The following SLC2A13 variants were observed in gnomAD, a reference collection of about 807,000 sequenced individuals.
SLC2A13 encodes proton myo-inositol cotransporter.
In SLC2A13, 32 loss-of-function variants were observed where a neutral mutation model predicts 64.4. The ratio of observed to expected loss-of-function variants is 0.50; its 90% CI spans 0.37 to 0.67. The LOEUF is 0.67. SLC2A13 is among the 30% of genes least tolerant of loss of function. The pLI, the probability that SLC2A13 is intolerant of heterozygous loss-of-function variation, is 0.00. For synonymous variants in SLC2A13, 338 were observed against 327.1 expected, an observed-to-expected ratio of 1.03 and a Z score of -0.36; for missense variants, 743 against 829.2, an observed-to-expected ratio of 0.90 and a Z score of 1.28.
chr12:40,084,949 A>C (rs2638276), intron 1 of SLC2A13, among the ~76,000 whole-genome samples: 152,122 of 152,336 alleles, frequency 1, 75,955 homozygotes, highest in Middle Eastern at 1. Flanking sequence ...CCCCCAACCT[A>C]CAAGGGGAGA....
intron 2 of SLC2A13, among the ~76,000 whole-genome samples, chr12:40,044,520 C>T (rs1948143294): frequency 6.6e-6 from 1 of 152,072 alleles, no homozygotes; most frequent in African/African-American, 2.4e-5. Context: ...AAATCTTTAA[C>T]AATATTTTCA....
At chr12:40,027,181 T>C (rs1179152991) in intron 3 of SLC2A13, among the ~76,000 whole-genome samples, 2 of 152,208 alleles carry the variant, frequency 1.3e-5, no homozygotes, top group African/African-American at 4.8e-5. Flanking sequence ...TTTAAGATAT[T>C]TTTTAAGGAA....
chr12:40,086,152 TAAGA>T (rs1258890594), intron 1 of SLC2A13, among the ~76,000 whole-genome samples: 1 of 152,094 alleles, frequency 6.6e-6, no homozygotes, highest in Non-Finnish European at 1.5e-5. Flanking sequence ...TGCTGCCTTC[TAAGA>T]AAGAGCAAAA....
intron 4 of SLC2A13, among the ~76,000 whole-genome samples, chr12:39,924,132 T>A (rs1462504039): frequency 6.6e-6 from 1 of 152,184 alleles, no homozygotes; most frequent in East Asian, 1.9e-4. Context: ...ATGTACACTC[T>A]TAAAATATGA....
intron 4 of SLC2A13, among the ~76,000 whole-genome samples, chr12:39,905,770 C>T (rs1945256970): frequency 6.8e-6 from 1 of 146,368 alleles, no homozygotes; most frequent in Non-Finnish European, 1.5e-5. Flanking sequence ...AAAAGTCTGC[C>T]ACAAATTGAA....
chr12:39,957,927 A>G (rs750974176), intron 3 of SLC2A13, among the ~76,000 whole-genome samples: 1 of 152,116 alleles, frequency 6.6e-6, no homozygotes, highest in Non-Finnish European at 1.5e-5. Context: ...AAAACAAAAC[A>G]AGCTATGCCA....
chr12:40,097,649 A>T (rs995351876), intron 1 of SLC2A13, among the ~76,000 whole-genome samples: 2 of 152,192 alleles, frequency 1.3e-5, no homozygotes, highest in Non-Finnish European at 2.9e-5. Flanking sequence ...ATCACTAATC[A>T]TAAGAGAAAT....
intron 3 of SLC2A13, among the ~76,000 whole-genome samples, chr12:39,957,955 T>C (rs1946345601): frequency 6.6e-6 from 1 of 152,130 alleles, no homozygotes; most frequent in South Asian, 2.1e-4. Context: ...GTAAGTGCTC[T>C]AACAGAGGTA....
In SLC2A13 at chr12:39,947,716, A is replaced by G. The variant is rs565298514; in HGVS notation, c.1034+3541T>C. ...CGCTCAGTCGCCCAGGCTGGAGTGC[A>G]ATGGCATGATCTCGGCTCACTTCAA... On this transcript the variant is annotated intron_variant, in intron 4 of 9. Coordinates refer to ENST00000280871, the MANE Select transcript of SLC2A13 (RefSeq NM_052885.4). 4.9e-5 allele frequency among the ~76,000 whole-genome samples: 7 copies of G among 144,274 alleles called. No homozygotes were observed. In the East Asian group the frequency reaches 1.4e-3, roughly 30 times the overall value. The allele number at this position is 144,274 out of a possible 152,430, so 94.6% of individuals were successfully genotyped here. A position where few individuals can be genotyped will look rare whatever the true frequency, so the allele number is the denominator to read the frequency against.
intron 3 of SLC2A13, among the ~76,000 whole-genome samples, chr12:40,007,776 GA>G (rs1947450362): frequency 6.6e-6 from 1 of 151,822 alleles, no homozygotes; most frequent in Non-Finnish European, 1.5e-5. Context: ...AGAATTAAAA[GA>G]AAAAAATATG....
chr12:39,881,834 T>A (rs74339818), intron 4 of SLC2A13, among the ~76,000 whole-genome samples: 5,232 of 152,114 alleles, frequency 0.034, 240 homozygotes, highest in East Asian at 0.24. Flanking sequence ...TCTGTCTACT[T>A]TTTGGTCACT....
intron 4 of SLC2A13, among the ~76,000 whole-genome samples, chr12:39,906,388 T>C (rs1435842927): frequency 6.6e-6 from 1 of 152,094 alleles, no homozygotes; most frequent in Non-Finnish European, 1.5e-5. Flanking sequence ...GATATGCACA[T>C]TTATATGTAC....
Position 39,764,821 on chromosome 12 carries a change from AT to A in SLC2A13, c.1482del (p.Trp496GlyfsTer36). On this transcript the variant is annotated frameshift_variant, in exon 8 of 10. Transcript: ENST00000280871. LOFTEE classifies it high-confidence loss of function. ...ENETKFKTED[I>X]FWAYNFCPTP... ...GTAGGGCAGAAATTGTAAGCCCAAA[AT>A]ATATCTTCTGTTTTGAACTTGGTTT... The A allele has an allele frequency of 6.2e-7, 1 of 1,612,516 alleles. No homozygotes were observed. Among genetic ancestry groups the A allele is most frequent in the South Asian group, 1.1e-5 (1 of 91,014 alleles).
intron 3 of SLC2A13, among the ~76,000 whole-genome samples, chr12:39,994,943 C>G (rs957407025): frequency 6.6e-6 from 1 of 152,216 alleles, no homozygotes; most frequent in African/African-American, 2.4e-5. Context: ...GGACTCAATA[C>G]TTAAACATCA....
intron 2 of SLC2A13, among the ~76,000 whole-genome samples, chr12:40,031,886 C>G (rs1313278807): frequency 6.6e-6 from 1 of 152,108 alleles, no homozygotes; most frequent in Non-Finnish European, 1.5e-5. Flanking sequence ...GTAGGACTAC[C>G]AGTCCTCTAA....
chr12:39,775,825 T>C (rs1940754742), intron 7 of SLC2A13, among the ~76,000 whole-genome samples: 1 of 152,224 alleles, frequency 6.6e-6, no homozygotes, highest in South Asian at 2.1e-4. Context: ...TTATTCAAAA[T>C]ACTTGAGACC....
chr12:40,082,272 T>C (rs531894518), intron 1 of SLC2A13, among the ~76,000 whole-genome samples: 1 of 152,236 alleles, frequency 6.6e-6, no homozygotes, highest in Non-Finnish European at 1.5e-5. Flanking sequence ...AGAAAGATGA[T>C]ACAAACAGTA....
rs1315969731 is a variant in SLC2A13 at position 39,969,550 on chromosome 12, GTGA to G, written c.926-18188_926-18186del. ...TTGATTTGCATTTCTCTGATGGCCA[GTGA>G]TGATGAGCATTTCTTCATGTGTTTT... On this transcript the variant is annotated intron_variant, in intron 3 of 9. Transcript: ENST00000280871. Among the ~76,000 whole-genome samples, 126 of 152,354 alleles carry G rather than the reference GTGA, an allele frequency of 8.3e-4. 1 individual carries two copies. In the Middle Eastern group the frequency reaches 0.017, roughly 21 times the overall value.
chr12:39,767,980 C>G (rs1235988771), intron 7 of SLC2A13, among the ~76,000 whole-genome samples: 1 of 152,100 alleles, frequency 6.6e-6, no homozygotes, highest in Non-Finnish European at 1.5e-5. Context: ...ACTACCCAGT[C>G]TCAGGCAGTT....
Sources: allele counts gnomAD v4.1 joint callset (sites outside exome capture counted in the v4.1 genomes callset), GRCh38; gene constraint gnomAD v4.1.1; transcripts MANE v1.5; gene names NCBI Gene and HGNC (gene_info 2026-07-23, HGNC 2026-07-21).